The following OR2AJ1 variants were observed in gnomAD, a reference collection of about 807,000 sequenced individuals.
The protein encoded by OR2AJ1 is olfactory receptor 2AJ1.
For missense variants in OR2AJ1, 280 were observed against 163.2 expected, an observed-to-expected ratio of 1.72 and a Z score of -3.90; for synonymous variants, 105 against 60.3, an observed-to-expected ratio of 1.74 and a Z score of -3.44.
At chr1:247,928,950 C>A (rs1345384592) in intron 1 of OR2AJ1, among the ~76,000 whole-genome samples, 1 of 152,152 alleles carries the variant, frequency 6.6e-6, no homozygotes, top group South Asian at 2.1e-4. Flanking sequence ...AAAAATTATC[C>A]GGGCGTGGTC....
chr1:247,934,906 T>C lies in OR2AJ1; in HGVS notation c.*151T>C. ...AACACGTACCTCTAAAAATGTAGTG[T>C]TCCTTCTGTGGTACCAATTATAATC... On this transcript the variant is annotated 3_prime_UTR_variant, in exon 2 of 2. Transcript: ENST00000318244. The C allele has an allele frequency of 1.7e-6, 1 of 571,524 alleles. No individual in the cohort carries two copies. Among genetic ancestry groups the C allele is most frequent in the Non-Finnish European group, 3.1e-6 (1 of 325,566 alleles). 35.4% of individuals were successfully genotyped at this position (571,524 alleles called of 1,614,324 possible).
intron 1 of OR2AJ1, among the ~76,000 whole-genome samples, chr1:247,928,778 A>G (rs970543305): frequency 6.6e-6 from 1 of 152,142 alleles, no homozygotes; most frequent in Non-Finnish European, 1.5e-5. Flanking sequence ...TCAGGAACAT[A>G]CATCATCATA....
chr1:247,929,820 A>G (rs938001660), intron 1 of OR2AJ1, among the ~76,000 whole-genome samples: 1 of 152,158 alleles, frequency 6.6e-6, no homozygotes, highest in Non-Finnish European at 1.5e-5. Context: ...TTGCATTTCC[A>G]TTAAATTTTC....
At chr1:247,925,657 T>A (rs1660083222) in intron 1 of OR2AJ1, among the ~76,000 whole-genome samples, 1 of 152,186 alleles carries the variant, frequency 6.6e-6, no homozygotes, top group African/African-American at 2.4e-5. Flanking sequence ...TGCAAAGTTG[T>A]GGTTACAGAA....
Position 247,934,946 on chromosome 1 carries a change from G to A in OR2AJ1, c.*191G>A, listed in dbSNP as rs1660201173. On this transcript the variant is annotated 3_prime_UTR_variant, in exon 2 of 2. Coordinates refer to ENST00000318244, the MANE Select transcript of OR2AJ1 (RefSeq NM_001355235.2). Reference sequence around the variant, plus strand: ...CAATTATAATCATGCAACAGTTACAGGAAGTAGAAGTTACCCAAGGCGTCC... The same window carrying A: ...CAATTATAATCATGCAACAGTTACAAGAAGTAGAAGTTACCCAAGGCGTCC... The A allele has an allele frequency of 6.0e-6, 3 of 496,442 alleles. No individual in the cohort carries two copies. The highest frequency in any genetic ancestry group is 7.0e-6 in the Non-Finnish European group (2 of 284,514). The allele number at this position is 496,442 out of a possible 1,614,324, so 30.8% of individuals were successfully genotyped here.
chr1:247,927,497 G>GTGTGTGTGTGTGTGTGTGTGTGT (rs1553341346), intron 1 of OR2AJ1, among the ~76,000 whole-genome samples: 6,494 of 148,352 alleles, frequency 0.044, 209 homozygotes, highest in Middle Eastern at 0.09. Context: ...ACATTTAGGG[G>GTGTGTGTGTGTGTGTGTGTGTGT]GTGTGTGTGT....
rs1660073716 is a variant in OR2AJ1, at chr1:247,925,171, A to G, written c.-23+3A>G. The stretch of plus-strand genomic sequence containing the variant: ...TGTCCTGTGCGGAGCGGAACGTGGT[A>G]AGGTCAAATGTGGTGGGAGATGGGT... On this transcript the variant is annotated splice_donor_region_variant and intron_variant, in intron 1 of 1. Transcript: ENST00000318244. 1 of 152,722 alleles carries G rather than the reference A, an allele frequency of 6.5e-6. No individual in the cohort carries two copies. Among genetic ancestry groups the G allele is most frequent in the Non-Finnish European group, 1.5e-5 (1 of 68,362 alleles). The allele number at this position is 152,722 out of a possible 1,614,324, so 9.5% of individuals were successfully genotyped here. A position where few individuals can be genotyped will look rare whatever the true frequency, so the allele number is the denominator to read the frequency against.
At chr1:247,931,309 C>A (rs563988519) in intron 1 of OR2AJ1, among the ~76,000 whole-genome samples, 1 of 152,166 alleles carries the variant, frequency 6.6e-6, no homozygotes, top group Non-Finnish European at 1.5e-5. Flanking sequence ...GGATAGGTGA[C>A]ACGTATTTTC....
At chr1:247,930,557 G>T (rs1424342891) in intron 1 of OR2AJ1, among the ~76,000 whole-genome samples, 1 of 152,186 alleles carries the variant, frequency 6.6e-6, no homozygotes, top group Non-Finnish European at 1.5e-5. Flanking sequence ...ACAGTAAACA[G>T]ATAGGAACAG....
At chr1:247,927,497 G>GGTGTGTGTGTGTGTGTGTGTGTGT (rs55762045) in intron 1 of OR2AJ1, among the ~76,000 whole-genome samples, 6 of 148,334 alleles carry the variant, frequency 4.0e-5, no homozygotes, top group Non-Finnish European at 7.5e-5. Flanking sequence ...ACATTTAGGG[G>GGTGTGTGTGTGTGTGTGTGTGTGT]GTGTGTGTGT....
At chr1:247,926,110 C>T (rs534960043) in intron 1 of OR2AJ1, among the ~76,000 whole-genome samples, 1 of 152,122 alleles carries the variant, frequency 6.6e-6, no homozygotes, top group East Asian at 1.9e-4. Context: ...TAAATCATGC[C>T]ATTTTATTTA....
intron 1 of OR2AJ1, among the ~76,000 whole-genome samples, chr1:247,932,061 G>A (rs150982576): frequency 9.8e-5 from 15 of 152,336 alleles, no homozygotes; most frequent in African/African-American, 3.4e-4. Flanking sequence ...AGGAATGGCT[G>A]GGTGCGGTGG....
chr1:247,933,393 G>C (rs1660174843), intron 1 of OR2AJ1, among the ~76,000 whole-genome samples: 3 of 152,212 alleles, frequency 2.0e-5, no homozygotes, highest in Admixed American at 6.5e-5. Flanking sequence ...CAGGAAATTA[G>C]GGTTTAAGTG....
At chr1:247,931,140 G>T (rs1479731215) in intron 1 of OR2AJ1, among the ~76,000 whole-genome samples, 5 of 152,144 alleles carry the variant, frequency 3.3e-5, no homozygotes, top group African/African-American at 1.2e-4. Context: ...AGGAGAGCAT[G>T]TTCTCTGATT....
chr1:247,926,833 T>G (rs1660096170), intron 1 of OR2AJ1, among the ~76,000 whole-genome samples: 1 of 152,222 alleles, frequency 6.6e-6, no homozygotes, highest in Non-Finnish European at 1.5e-5. Context: ...ACACTGAGAA[T>G]GGTTTCAACA....
chr1:247,934,158 G>A lies in OR2AJ1; in HGVS notation c.390G>A (p.Leu130=), dbSNP rs1463368473. 1.4e-6 allele frequency: 1 copy of A among 718,576 alleles called. No homozygotes were observed. The highest frequency in any genetic ancestry group is 1.5e-5 in the South Asian group (1 of 67,626). 44.5% of individuals were successfully genotyped at this position (718,576 alleles called of 1,614,324 possible). A position where few individuals can be genotyped will look rare whatever the true frequency, so the allele number is the denominator to read the frequency against. Residue 130 remains leucine, a synonymous_variant, in exon 2 of 2, where the codon CTG becomes CTA. Transcript: ENST00000318244. ...GCTATGTGGCTATCTGTCACCCGCT[G>A]CGCTATCCGATTCTTATGAAGGAGT... ...CDRYVAICHP[L]RYPILMKEYA... is the part of the protein sequence containing the mutation.
chr1:247,927,097 T>C (rs1028015544), intron 1 of OR2AJ1, among the ~76,000 whole-genome samples: 3 of 152,204 alleles, frequency 2.0e-5, no homozygotes, highest in Non-Finnish European at 4.4e-5. Flanking sequence ...TTCTCATCTC[T>C]GCTAACTCTA....
Position 247,934,504 on chromosome 1 carries a change from A to C in OR2AJ1, c.736A>C (p.Ile246Leu). Reference protein sequence around the residue: ...KSFSTCSFHMIVVTMYYGPFI... With the variant: ...KSFSTCSFHMLVVTMYYGPFI... ...ATTTTCCACTTGTTCCTTCCACATG[A>C]TTGTGGTCACGATGTACTATGGGCC... Residue 246 changes from isoleucine to leucine, a missense_variant, in exon 2 of 2, where the codon ATT (isoleucine) becomes CTT (leucine). Transcript: ENST00000318244. 1.4e-6 allele frequency: 1 copy of C among 717,508 alleles called. No homozygotes were observed. The highest frequency in any genetic ancestry group is 2.0e-5 in the Admixed American group (1 of 50,012). The allele number at this position is 717,508 out of a possible 1,614,324, so 44.4% of individuals were successfully genotyped here.
intron 1 of OR2AJ1, among the ~76,000 whole-genome samples, chr1:247,932,802 C>T (rs1660168672): frequency 6.6e-6 from 1 of 151,934 alleles, no homozygotes; most frequent in African/African-American, 2.4e-5. Context: ...ACAGAAGGTG[C>T]ACAAATAACT....
Sources: allele counts gnomAD v4.1 joint callset (sites outside exome capture counted in the v4.1 genomes callset), GRCh38; gene constraint gnomAD v4.1.1; transcripts MANE v1.5; gene names NCBI Gene and HGNC (gene_info 2026-07-23, HGNC 2026-07-21).